The following NCS1 variants were observed in gnomAD, a reference collection of about 807,000 sequenced individuals.
NCS1 encodes neuronal calcium sensor 1.
NCS1 carries 6 observed loss-of-function variants against 28.4 expected under a neutral mutation model. The observed-to-expected ratio is 0.21, with a 90% CI of 0.12 to 0.42. The LOEUF (loss-of-function observed/expected upper bound fraction) is 0.42, where lower values mean the gene tolerates loss of function less well. Among genes scored for constraint, NCS1 ranks in the 10% least tolerant of loss-of-function variants. The probability of loss-of-function intolerance (pLI) is 1.00; values close to 1 mark genes in which losing one functional copy is unlikely to be tolerated. For synonymous variants in NCS1, 86 were observed against 99.3 expected (o/e 0.87, Z 0.79); for missense variants, 131 against 241.4 (o/e 0.54, Z 3.03).
chr9:130,226,535 C>A lies in NCS1; in HGVS notation c.*17+31C>A. 6.5e-7 allele frequency: 1 copy of A among 1,529,110 alleles called. No homozygotes were observed. The highest frequency in any genetic ancestry group is 9.0e-7 in the Non-Finnish European group (1 of 1,113,288). The allele number at this position is 1,529,110 out of a possible 1,614,324, so 94.7% of individuals were successfully genotyped here. ...TGCAGACTCGGGGCCTGGGGTGGGT[C>A]TGGGATGGGTCAGGGGTGAAAACCC... On this transcript the variant is annotated intron_variant, in intron 7 of 7. Coordinates refer to ENST00000372398, the MANE Select transcript of NCS1 (RefSeq NM_014286.4). The surrounding 1 kb of genome is among the most constrained non-coding windows in gnomAD (Gnocchi z 4.8).
rs1283524344 is a variant in NCS1 at position 130,176,190 on chromosome 9, CTTTCTTTT to C, written c.64+3467_64+3474del. On this transcript the variant is annotated intron_variant, in intron 1 of 7. Transcript: ENST00000372398. ...TCTTTCTTTCTTTCTTTCTTTCTTT[CTTTCTTTT>C]TTTTTTTTTTTGGAGACAGGGTCTG... Among the ~76,000 whole-genome samples the C allele has an allele frequency of 1.6e-4, 9 of 56,620 alleles. No individual in the cohort carries two copies. In the East Asian group the frequency reaches 6.0e-3, roughly 38 times the overall value. The allele number at this position is 56,620 out of a possible 152,430, so 37.1% of individuals were successfully genotyped here. A position where few individuals can be genotyped will look rare whatever the true frequency, so the allele number is the denominator to read the frequency against.
intron 1 of NCS1, among the ~76,000 whole-genome samples, chr9:130,189,327 C>T (rs1554905987): frequency 6.6e-6 from 1 of 152,212 alleles, no homozygotes. Context: ...CCCAAGGTCA[C>T]TTGTCTACAG....
At position 130,224,561 on chromosome 9, in the gene NCS1, G is replaced by GA. The variant is rs111868250; in HGVS notation, c.474+1410dup. 6.5e-3 allele frequency among the ~76,000 whole-genome samples: 854 copies of GA among 131,790 alleles called. 13 individuals are homozygous for GA. Among genetic ancestry groups the GA allele is most frequent in the African/African-American group, 0.021 (710 of 33,138 alleles). 86.5% of individuals were successfully genotyped at this position (131,790 alleles called of 152,430 possible). A position where few individuals can be genotyped will look rare whatever the true frequency, so the allele number is the denominator to read the frequency against. On this transcript the variant is annotated intron_variant, in intron 6 of 7. Coordinates refer to ENST00000372398, the MANE Select transcript of NCS1 (RefSeq NM_014286.4). ...CAATAAGAGTGAGACTGTCTCAAAA[G>GA]AAAAAAAATAAAATAAAAGGAACCA...
intron 6 of NCS1, among the ~76,000 whole-genome samples, chr9:130,225,040 A>G (rs1280862683): frequency 2.0e-5 from 3 of 152,092 alleles, no homozygotes; most frequent in Non-Finnish European, 4.4e-5. Context: ...AAAAATACAA[A>G]AATTAGCCGG....
Position 130,219,742 on chromosome 9 carries a change from C to T in NCS1, c.246C>T (p.Phe82=). 1.2e-6 allele frequency: 2 copies of T among 1,614,228 alleles called. No homozygotes were observed. Among genetic ancestry groups the T allele is most frequent in the Non-Finnish European group, 1.7e-6 (2 of 1,180,036 alleles). ...FDENKDGRIE[F]SEFIQALSVT... Reference sequence around the variant, plus strand: ...CCTGTCAGGACGGGCGAATTGAGTTCTCCGAGTTCATCCAGGCGCTGTCGG... The same window carrying T: ...CCTGTCAGGACGGGCGAATTGAGTTTTCCGAGTTCATCCAGGCGCTGTCGG... The change falls in exon 4 of 8, where the codon TTC becomes TTT. Residue 82 remains phenylalanine, a synonymous_variant. Coordinates refer to ENST00000372398, the MANE Select transcript of NCS1 (RefSeq NM_014286.4). This position sits in a 1 kb window ranked among gnomAD's most constrained non-coding sequence, Gnocchi z 5.7.
rs1299589356 is a variant in NCS1, at chr9:130,176,518, T to C, written c.64+3791T>C. On this transcript the variant is annotated intron_variant, in intron 1 of 7. Transcript: ENST00000372398. The stretch of plus-strand genomic sequence containing the variant: ...GCCTTAATATATATCATTTTGACCA[T>C]ACAATACAGCTTCATCTTGAACTGG... Among the ~76,000 whole-genome samples the C allele has an allele frequency of 3.3e-5, 5 of 152,334 alleles. No individual in the cohort carries two copies. The East Asian group carries it at 9.6e-4, about 29-fold the overall frequency.
chr9:130,228,668 TTTC>T (rs1833452269), intron 7 of NCS1, among the ~76,000 whole-genome samples: 1 of 151,236 alleles, frequency 6.6e-6, no homozygotes, highest in African/African-American at 2.4e-5. Flanking sequence ...TCTTTCTTTC[TTTC>T]TTTTTTTTTT....
intron 6 of NCS1, among the ~76,000 whole-genome samples, chr9:130,225,294 G>A (rs1833396249): frequency 6.6e-6 from 1 of 152,226 alleles, no homozygotes; most frequent in East Asian, 1.9e-4. Flanking sequence ...TTTGACCTGA[G>A]GCCTGTACTT....
rs78760541 is a variant in NCS1, at chr9:130,181,608, C to T, written c.64+8881C>T. On this transcript the variant is annotated intron_variant, in intron 1 of 7. Coordinates refer to ENST00000372398, the MANE Select transcript of NCS1 (RefSeq NM_014286.4). The surrounding 1 kb of genome is among the most constrained non-coding windows in gnomAD (Gnocchi z 5.0). ...AGTGGTGCCATTGGGGTCTGATCCC[C>T]GTCCCCTCTCAGCCTGGAGTCTGCA... 5.6e-3 allele frequency among the ~76,000 whole-genome samples: 857 copies of T among 152,262 alleles called. 6 individuals carry two copies. The highest frequency in any genetic ancestry group is 0.019 in the African/African-American group (807 of 41,556).
At chr9:130,210,401 A>G (rs80080185) in intron 2 of NCS1, among the ~76,000 whole-genome samples, 1 of 47,912 alleles carries the variant, frequency 2.1e-5, no homozygotes, top group Non-Finnish European at 5.1e-5. Flanking sequence ...TCAGTCTTAG[A>G]AAAAAAAAAA....
rs2131150689 is a variant in NCS1 at position 130,217,912 on chromosome 9, C to T, written c.170C>T (p.Pro57Leu). Residue 57 changes from proline to leucine, a missense_variant, in exon 3 of 8, where the codon CCG (proline) becomes CTG (leucine). Coordinates refer to ENST00000372398, the MANE Select transcript of NCS1 (RefSeq NM_014286.4). ...CAGAAGATCTACAAGCAATTCTTCC[C>T]GTTCGGAGACCCCACCAAGTTTGCC... is the stretch of plus-strand genomic sequence containing the variant. ...GFQKIYKQFF[P>L]FGDPTKFATF... 5 of 1,614,162 alleles carry T rather than the reference C, an allele frequency of 3.1e-6. No homozygotes were observed. Among genetic ancestry groups the T allele is most frequent in the Non-Finnish European group, 4.2e-6 (5 of 1,180,026 alleles).
At chr9:130,207,358 G>A (rs1833039186) in intron 2 of NCS1, among the ~76,000 whole-genome samples, 1 of 152,170 alleles carries the variant, frequency 6.6e-6, no homozygotes, top group African/African-American at 2.4e-5. Context: ...CTGGGTCACC[G>A]TGCACTGGCC....
intron 1 of NCS1, chr9:130,200,373 C>T (rs1832924676): frequency 1.7e-6 from 1 of 595,802 alleles, no homozygotes. Context: ...TCTCTGTAGC[C>T]TCTTTCAGCT....
In NCS1 at chr9:130,181,882, G is replaced by A. The variant is rs1437598938; in HGVS notation, c.64+9155G>A. 2.0e-5 allele frequency among the ~76,000 whole-genome samples: 3 copies of A among 152,048 alleles called. No individual in the cohort carries two copies. The highest frequency in any genetic ancestry group is 4.4e-5 in the Non-Finnish European group (3 of 68,002). On this transcript the variant is annotated intron_variant, in intron 1 of 7. Coordinates refer to ENST00000372398, the MANE Select transcript of NCS1 (RefSeq NM_014286.4). The surrounding 1 kb of genome is among the most constrained non-coding windows in gnomAD (Gnocchi z 5.0). ...CTCCTGTGCGCACGCGTGTGGTGGTGTGTGAGGGCAGCTCTGTACAGGTTG... is the reference window on the plus strand; with the variant it reads ...CTCCTGTGCGCACGCGTGTGGTGGTATGTGAGGGCAGCTCTGTACAGGTTG...
At chr9:130,197,634 G>C (rs1346101577) in intron 1 of NCS1, among the ~76,000 whole-genome samples, 1 of 152,154 alleles carries the variant, frequency 6.6e-6, no homozygotes, top group African/African-American at 2.4e-5. Context: ...AGGTGGCCAG[G>C]ACCCCAGAGA....
At chr9:130,190,046 G>GAC (rs1832797807) in intron 1 of NCS1, among the ~76,000 whole-genome samples, 1 of 150,278 alleles carries the variant, frequency 6.7e-6, no homozygotes, top group Non-Finnish European at 1.5e-5. Flanking sequence ...GAGAGAGAGA[G>GAC]AGAGAGAGAG....
chr9:130,196,709 G>C (rs1205086832), intron 1 of NCS1, among the ~76,000 whole-genome samples: 1 of 152,036 alleles, frequency 6.6e-6, no homozygotes, highest in Non-Finnish European at 1.5e-5. Flanking sequence ...TTGCACTCTA[G>C]CCCCAGCCTG....
chr9:130,213,844 G>T (rs1833147552), intron 2 of NCS1, among the ~76,000 whole-genome samples: 1 of 152,170 alleles, frequency 6.6e-6, no homozygotes, highest in Non-Finnish European at 1.5e-5. Context: ...CTCCCAAAGT[G>T]CTGGAATTAC....
rs1404437062 is a variant in NCS1, at chr9:130,209,608, TC to T, written c.90-8223del. Among the ~76,000 whole-genome samples, 2 of 152,106 alleles carry T rather than the reference TC, an allele frequency of 1.3e-5. No individual in the cohort carries two copies. The highest frequency in any genetic ancestry group is 2.9e-5 in the Non-Finnish European group (2 of 68,008). On this transcript the variant is annotated intron_variant, in intron 2 of 7. Transcript: ENST00000372398. The surrounding 1 kb of genome is among the most constrained non-coding windows in gnomAD (Gnocchi z 4.4). ...GGAGTCTCCTGGTGGACGAGGGCATTCACCCAGCCTGGCGCCGTGTTGGGGA... is the reference window on the plus strand; with the variant it reads ...GGAGTCTCCTGGTGGACGAGGGCATTACCCAGCCTGGCGCCGTGTTGGGGA...
Sources: allele counts gnomAD v4.1 joint callset (sites outside exome capture counted in the v4.1 genomes callset), GRCh38; gene constraint gnomAD v4.1.1; non-coding constraint Gnocchi (gnomAD v3.1); transcripts MANE v1.5; gene names NCBI Gene and HGNC (gene_info 2026-07-23, HGNC 2026-07-21).